The following HCLS1 variants were observed in gnomAD, a reference collection of about 807,000 sequenced individuals.
HCLS1 encodes the protein hematopoietic lineage cell-specific protein.
HCLS1 carries 44 observed loss-of-function variants against 68.6 expected under a neutral mutation model. The ratio of observed to expected loss-of-function variants is 0.64; its 90% CI spans 0.50 to 0.82. The LOEUF is 0.82. Ranked by LOEUF, HCLS1 falls within the 40% of genes least tolerant of loss-of-function variation. The pLI, the probability that HCLS1 is intolerant of heterozygous loss-of-function variation, is 0.00. For synonymous variants in HCLS1, 217 were observed against 225.8 expected (o/e 0.96, Z 0.35); for missense variants, 602 against 612.1 (o/e 0.98, Z 0.17).
intron 6 of HCLS1, among the ~76,000 whole-genome samples, chr3:121,640,608 T>C (rs2049188022): frequency 2.0e-5 from 3 of 151,782 alleles, no homozygotes; most frequent in South Asian, 4.2e-4. Context: ...TCAGCAGATA[T>C]GCAATAGAAC....
intron 6 of HCLS1, among the ~76,000 whole-genome samples, chr3:121,638,573 G>A (rs1406743207): frequency 1.3e-5 from 2 of 152,130 alleles, no homozygotes; most frequent in South Asian, 2.1e-4. Flanking sequence ...GGGAAAATTT[G>A]CTTATGAGAC....
chr3:121,639,601 T>C (rs10049060), intron 6 of HCLS1, among the ~76,000 whole-genome samples: 34,171 of 152,050 alleles, frequency 0.22, 4,163 homozygotes, highest in East Asian at 0.46. Flanking sequence ...CAGGCCAAAA[T>C]GTAGTGGCAC....
intron 3 of HCLS1, among the ~76,000 whole-genome samples, chr3:121,656,535 C>G (rs1044595655): frequency 1.3e-5 from 2 of 152,006 alleles, no homozygotes; most frequent in African/African-American, 4.8e-5. Context: ...CTGGATATGT[C>G]TGTAAGTTCC....
At position 121,635,237 on chromosome 3, in the gene HCLS1, T is replaced by TTCTCTCTCTCTCTCTC. The variant is rs201290743; in HGVS notation, c.691+482_691+497dup. ...TCTCTCTCTCTCTCTTCTCTCCCTT[T>TTCTCTCTCTCTCTCTC]TCTCTCTCTCTCTCTCTCTCTCTCT... On this transcript the variant is annotated intron_variant, in intron 9 of 13. Transcript: ENST00000314583. Among the ~76,000 whole-genome samples, 280 of 114,408 alleles carry TTCTCTCTCTCTCTCTC rather than the reference T, an allele frequency of 2.4e-3. 2 individuals carry two copies. The highest frequency in any genetic ancestry group is 8.9e-3 in the Middle Eastern group (2 of 224). 75.1% of individuals were successfully genotyped at this position (114,408 alleles called of 152,430 possible).
intron 7 of HCLS1, among the ~76,000 whole-genome samples, chr3:121,636,851 T>C (rs569584317): frequency 1.9e-4 from 29 of 152,264 alleles, no homozygotes; most frequent in African/African-American, 4.6e-4. Context: ...CTAAGACTCA[T>C]GGCAAACCAT....
In HCLS1 at chr3:121,632,044, C is replaced by A. The variant is rs2049102555; in HGVS notation, c.1324+57G>T. Reference sequence around the variant, plus strand: ...ACATGAATCTCTTTTCACATGTCCCCCTGTCTTATATCAGGGGCCTCCATG... The same window carrying A: ...ACATGAATCTCTTTTCACATGTCCCACTGTCTTATATCAGGGGCCTCCATG... On this transcript the variant is annotated intron_variant, in intron 13 of 13. Coordinates refer to ENST00000314583, the MANE Select transcript of HCLS1 (RefSeq NM_005335.6). The A allele has an allele frequency of 1.1e-5, 17 of 1,613,386 alleles. No homozygotes were observed. In the Admixed American group the frequency reaches 2.8e-4, roughly 27 times the overall value.
chr3:121,632,083 G>T lies in HCLS1; in HGVS notation c.1324+18C>A, dbSNP rs181543689. On this transcript the variant is annotated intron_variant, in intron 13 of 13. Coordinates refer to ENST00000314583, the MANE Select transcript of HCLS1 (RefSeq NM_005335.6). ...GGGGCCTCCATGTACCAGGCTCCTC[G>T]GGCCACTCCCAACCTACCTCCTTGG... 1.7e-5 allele frequency: 27 copies of T among 1,613,354 alleles called. No individual in the cohort carries two copies. Among genetic ancestry groups the T allele is most frequent in the Non-Finnish European group, 2.2e-5 (26 of 1,179,554 alleles).
In HCLS1 at chr3:121,637,154, G is replaced by T; in HGVS notation, c.557C>A (p.Ser186Tyr). 1 of 1,609,048 alleles carries T rather than the reference G, an allele frequency of 6.2e-7. No individual in the cohort carries two copies. Among genetic ancestry groups the T allele is most frequent in the East Asian group, 2.2e-5 (1 of 44,850 alleles). ...DYKGETEKHE[S>Y]QRDYAKGFGG... ...TTCCAACCCCAACTCACCTCTCTGG[G>T]ACTCGTGTTTCTCCGTCTCTCCCTT... Residue 186 changes from serine to tyrosine, a missense_variant, in exon 7 of 14, where the codon TCC (serine) becomes TAC (tyrosine). Coordinates refer to ENST00000314583, the MANE Select transcript of HCLS1 (RefSeq NM_005335.6).
intron 5 of HCLS1, 148 bp downstream of exon 5, chr3:121,644,670 G>A: frequency 1.3e-6 from 1 of 742,924 alleles, no homozygotes; most frequent in Admixed American, 1.9e-5. Flanking sequence ...AACTTGCTGA[G>A]GGAGGTATCC....
At chr3:121,645,171 G>A (rs551348949) in intron 4 of HCLS1, among the ~76,000 whole-genome samples, 11 of 152,244 alleles carry the variant, frequency 7.2e-5, no homozygotes, top group South Asian at 6.2e-4. Context: ...CCATAGGATG[G>A]GCTGGGAACC....
intron 3 of HCLS1, among the ~76,000 whole-genome samples, chr3:121,649,555 C>A (rs558513797): frequency 1.3e-5 from 2 of 152,192 alleles, no homozygotes; most frequent in South Asian, 2.1e-4. Context: ...TTAATCACAT[C>A]ATTCCTTCAT....
At position 121,632,106 on chromosome 3, in the gene HCLS1, T is replaced by G; in HGVS notation, c.1319A>C (p.Gln440Pro). The change falls in exon 13 of 14, where the codon CAA becomes CCA. Residue 440 changes from glutamine to proline, a missense_variant. Physicochemically the swap from Gln to Pro is moderately conservative, Grantham distance 76. Transcript: ENST00000314583. ...TCGGGCCACTCCCAACCTACCTCCT[T>G]GGTAATCATATACAGCCACAGCTGA... Reference protein sequence around the residue: ...GISAVAVYDYQGEGSDELSFD... With the variant: ...GISAVAVYDYPGEGSDELSFD... 1 of 1,613,986 alleles carries G rather than the reference T, an allele frequency of 6.2e-7. No homozygotes were observed. The highest frequency in any genetic ancestry group is 8.5e-7 in the Non-Finnish European group (1 of 1,179,970).
rs1281369716 is a variant in HCLS1 at position 121,658,304 on chromosome 3, T to G, written c.44A>C (p.Glu15Ala). ...VVGHDVSVSV[E>A]TQGDDWDTDP... ...TGTGTCCCAATCATCACCCTGGGTCTCCACGGAAACAGACACATCATGGCC... is the reference window on the plus strand; with the variant it reads ...TGTGTCCCAATCATCACCCTGGGTCGCCACGGAAACAGACACATCATGGCC... Residue 15 changes from glutamate to alanine, a missense_variant, in exon 2 of 14, where the codon GAG becomes GCG. Physicochemically the swap from Glu to Ala is moderately radical, Grantham distance 107 (BLOSUM62 -1). Coordinates refer to ENST00000314583, the MANE Select transcript of HCLS1 (RefSeq NM_005335.6). The G allele has an allele frequency of 6.2e-7, 1 of 1,613,850 alleles. No homozygotes were observed. Among genetic ancestry groups the G allele is most frequent in the Non-Finnish European group, 8.5e-7 (1 of 1,179,958 alleles).
At chr3:121,639,262 T>C (rs1403493986) in intron 6 of HCLS1, among the ~76,000 whole-genome samples, 2 of 152,184 alleles carry the variant, frequency 1.3e-5, no homozygotes, top group African/African-American at 4.8e-5. Flanking sequence ...AATATACTTT[T>C]TTCATGCATA....
intron 3 of HCLS1, among the ~76,000 whole-genome samples, chr3:121,651,903 G>A (rs903456349): frequency 9.9e-5 from 15 of 152,264 alleles, no homozygotes; most frequent in African/African-American, 3.6e-4. Context: ...TTTTCCAAGA[G>A]AAATAAGGAT....
rs1397896615 is a variant in HCLS1 at position 121,633,164 on chromosome 3, G to T, written c.911C>A (p.Pro304His). ...TGATGATGGAGGAGTCCCAACTGGA[G>T]GCCAGGCCTGTGGAAAATGAAGCAT... ...LPKKISSEAW[P>H]PVGTPPSSES... Residue 304 changes from proline to histidine, a missense_variant, in exon 11 of 14, where the codon CCT (proline) becomes CAT (histidine). Pro to His is a moderately conservative substitution (Grantham distance 77). Transcript: ENST00000314583. 1 of 1,602,370 alleles carries T rather than the reference G, an allele frequency of 6.2e-7. No homozygotes were observed. The highest frequency in any genetic ancestry group is 8.5e-7 in the Non-Finnish European group (1 of 1,173,828).
chr3:121,657,939 C>G (rs1394876503), intron 2 of HCLS1: 1 of 292,300 alleles, frequency 3.4e-6, no homozygotes, highest in Non-Finnish European at 6.4e-6. Context: ...TTTTAATCCC[C>G]CAATTACACA....
At chr3:121,659,646 A>G (rs926485235) in intron 1 of HCLS1, among the ~76,000 whole-genome samples, 4 of 152,182 alleles carry the variant, frequency 2.6e-5, no homozygotes, top group Non-Finnish European at 5.9e-5. Context: ...GTCAGCCGGG[A>G]GTCATGGCTG....
rs141595315 is a variant in HCLS1 at position 121,634,263 on chromosome 3, T to A, written c.847A>T (p.Ile283Leu). The stretch of plus-strand genomic sequence containing the variant: ...GGTACTGCTGGCTCTTCCATAGCTA[T>A]CACTGGCTGTGGAGCCTCAGGGCTC... ...KRSPEAPQPV[I>L]AMEEPAVPAP... The change falls in exon 10 of 14, where the codon ATA becomes TTA. Residue 283 changes from isoleucine (I) to leucine (L), a missense_variant. Transcript: ENST00000314583. 2,055 of 1,614,218 alleles carry A rather than the reference T, an allele frequency of 1.3e-3. 26 individuals are homozygous for A. The African/African-American group carries it at 0.022, about 18-fold the overall frequency.
Sources: gnomAD v4.1 joint callset for allele counts (sites outside exome capture counted in the v4.1 genomes callset) on GRCh38, gnomAD v4.1.1 for gene constraint, MANE v1.5 for transcripts, NCBI Gene and HGNC (gene_info 2026-07-23, HGNC 2026-07-21) for gene names.